The following VAV2 variants were observed in gnomAD, a reference collection of about 807,000 sequenced individuals.
VAV2 encodes the protein vav guanine nucleotide exchange factor 2, also known as guanine nucleotide exchange factor VAV2.
In VAV2, 67 loss-of-function variants were observed where a neutral mutation model predicts 132.5. That is an observed-to-expected ratio of 0.51 (90% CI 0.42 to 0.62). The LOEUF (loss-of-function observed/expected upper bound fraction) is 0.62, where lower values mean the gene tolerates loss of function less well. Ranked by LOEUF, VAV2 falls within the 20% of genes least tolerant of loss-of-function variation. The pLI is 0.00. For missense variants in VAV2, 938 were observed against 1,153.6 expected (o/e 0.81, Z 2.71); for synonymous variants, 492 against 443.5 (o/e 1.11, Z -1.37).
At chr9:133,951,129 G>A (rs140558636) in intron 1 of VAV2, among the ~76,000 whole-genome samples, 84 of 152,330 alleles carry the variant, frequency 5.5e-4, no homozygotes, top group African/African-American at 1.9e-3. Flanking sequence ...CCAAGCAGGG[G>A]GGTAAAACTG....
At chr9:133,767,529 C>T (rs1302530154) in intron 29 of VAV2, among the ~76,000 whole-genome samples, 2 of 152,140 alleles carry the variant, frequency 1.3e-5, no homozygotes, top group African/African-American at 4.8e-5. Flanking sequence ...ACTTTTAATG[C>T]CAATCACACA....
chr9:133,814,349 T>G lies in VAV2; in HGVS notation c.450-2133A>C, dbSNP rs140019803. Among the ~76,000 whole-genome samples, 1,186 of 152,330 alleles carry G rather than the reference T, an allele frequency of 7.8e-3. 26 individuals are homozygous for G. Among genetic ancestry groups the G allele is most frequent in the Admixed American group, 0.044 (671 of 15,310 alleles). ...GCTACCAGGGATGCAGGCAAGTGAC[T>G]GCAGGGGTTGTTCTCAGCGGCTGCC... On this transcript the variant is annotated intron_variant, in intron 4 of 29. Transcript: ENST00000371850.
chr9:133,776,163 GC>G, intron 23 of VAV2, 83 bp from the exon 24 acceptor site: 1 of 1,554,096 alleles, frequency 6.4e-7, no homozygotes, highest in Non-Finnish European at 8.7e-7. Flanking sequence ...GTCAGTGACT[GC>G]CCTGTCCCCA....
Position 133,788,227 on chromosome 9 carries a change from C to G in VAV2, c.1407+127G>C, listed in dbSNP as rs1049624781. The G allele has an allele frequency of 5.6e-6, 4 of 716,336 alleles. No homozygotes were observed. The highest frequency in any genetic ancestry group is 1.6e-5 in the South Asian group (1 of 60,688). 44.4% of individuals were successfully genotyped at this position (716,336 alleles called of 1,614,324 possible). A position where few individuals can be genotyped will look rare whatever the true frequency, so the allele number is the denominator to read the frequency against. On this transcript the variant is annotated intron_variant, in intron 15 of 29. Transcript: ENST00000371850. The surrounding 1 kb of genome is among the most constrained non-coding windows in gnomAD (Gnocchi z 5.3). ...CCTTCCTGCAGAGCGGAGACGCCCA[C>G]CCCAACCCACCCGGCCAGCATCAGC...
rs77025040 is a variant in VAV2 at position 133,802,355 on chromosome 9, C to T, written c.836+3726G>A. On this transcript the variant is annotated intron_variant, in intron 9 of 29. Transcript: ENST00000371850. The surrounding 1 kb of genome is among the most constrained non-coding windows in gnomAD (Gnocchi z 5.8). ...ACACACACACACACACACACACACA[C>T]GACTTCATGCATTCCTGGTCTGGTT... 5.3e-5 allele frequency among the ~76,000 whole-genome samples: 8 copies of T among 150,300 alleles called. No individual in the cohort carries two copies. The highest frequency in any genetic ancestry group is 2.0e-4 in the African/African-American group (8 of 40,428).
At position 133,932,694 on chromosome 9, in the gene VAV2, G is replaced by A. The variant is rs558308729; in HGVS notation, c.321+6409C>T. ...ACCAAGTATCTACAGAGTCCAACTCGCGTCCAGGTCTGACGGAAGCTTTGC... is the reference window on the plus strand; with the variant it reads ...ACCAAGTATCTACAGAGTCCAACTCACGTCCAGGTCTGACGGAAGCTTTGC... On this transcript the variant is annotated intron_variant, in intron 2 of 29. Coordinates refer to ENST00000371850, the MANE Select transcript of VAV2 (RefSeq NM_001134398.2). Among the ~76,000 whole-genome samples the A allele has an allele frequency of 1.0e-4, 15 of 149,546 alleles. 1 individual carries two copies. The highest frequency in any genetic ancestry group is 8.8e-4 in the South Asian group (4 of 4,556).
At chr9:133,900,769 T>TGA (rs1220562578) in intron 2 of VAV2, among the ~76,000 whole-genome samples, 35 of 20,154 alleles carry the variant, frequency 1.7e-3, no homozygotes, top group African/African-American at 2.9e-3. Context: ...CTGTCTTGAT[T>TGA]TATTTATTTA....
Position 133,769,560 on chromosome 9 carries a change from C to G in VAV2, c.2348-57G>C. 1.3e-6 allele frequency: 2 copies of G among 1,541,084 alleles called. No homozygotes were observed. The highest frequency in any genetic ancestry group is 1.2e-5 in the South Asian group (1 of 84,094). ...GCAGCAGGGCATCCACGCACAGTCA[C>G]GGTGGGCACAGCTACAGGCCGGGGG... On this transcript the variant is annotated intron_variant, in intron 27 of 29. Coordinates refer to ENST00000371850, the MANE Select transcript of VAV2 (RefSeq NM_001134398.2). The surrounding 1 kb of genome is among the most constrained non-coding windows in gnomAD (Gnocchi z 8.1).
In VAV2 at chr9:133,806,094, C is replaced by T. The variant is rs768260214; in HGVS notation, c.823G>A (p.Asp275Asn). 79 of 1,612,670 alleles carry T rather than the reference C, an allele frequency of 4.9e-5. No homozygotes were observed. The highest frequency in any genetic ancestry group is 4.0e-4 in the East Asian group (18 of 44,884). The change falls in exon 9 of 30, where the codon GAT (aspartate) becomes AAT (asparagine). Residue 275 changes from aspartate to asparagine, a missense_variant. Asp to Asn is a conservative substitution (Grantham distance 23). Transcript: ENST00000371850. ...GGSTLAKVFL[D>N]FKERLLIYGE... ...GCAGCCACTCACCTTTCCTTGAAAT[C>T]GAGGAAGACCTTGGCCAGCGTGCTG...
At chr9:133,937,594 C>T (rs942429792) in intron 2 of VAV2, among the ~76,000 whole-genome samples, 3 of 151,944 alleles carry the variant, frequency 2.0e-5, no homozygotes, top group African/African-American at 7.3e-5. Flanking sequence ...GAACCATCAG[C>T]CTCTCCATTA....
At chr9:133,977,186 C>A (rs1017438847) in intron 1 of VAV2, among the ~76,000 whole-genome samples, 1 of 152,194 alleles carries the variant, frequency 6.6e-6, no homozygotes, top group Non-Finnish European at 1.5e-5. Context: ...AGAGTGAGGC[C>A]CCCCCAGCAT....
chr9:133,811,789 C>T (rs182625483), intron 5 of VAV2, among the ~76,000 whole-genome samples: 1 of 152,364 alleles, frequency 6.6e-6, no homozygotes, highest in East Asian at 1.9e-4. Flanking sequence ...GGCCTGCAAG[C>T]CCTTGGAAGG....
At chr9:133,862,512 T>C (rs1194459451) in intron 2 of VAV2, among the ~76,000 whole-genome samples, 1 of 152,220 alleles carries the variant, frequency 6.6e-6, no homozygotes, top group Non-Finnish European at 1.5e-5. Context: ...TGTGTGGTCG[T>C]GTGTGCATGT....
At chr9:133,843,851 T>C (rs1474478278) in intron 3 of VAV2, among the ~76,000 whole-genome samples, 1 of 151,000 alleles carries the variant, frequency 6.6e-6, no homozygotes, top group Admixed American at 6.6e-5. Context: ...AGTAGGAGGG[T>C]CTCTGTCCCA....
In VAV2 at chr9:133,794,146, A is replaced by C. The variant is rs1161486689; in HGVS notation, c.1101+1522T>G. ...CACTCAGGGCCCGGGTGCACGGCCC[A>C]CTGCACCTGCTGTCACTGTCTCAGA... On this transcript the variant is annotated intron_variant, in intron 12 of 29. Coordinates refer to ENST00000371850, the MANE Select transcript of VAV2 (RefSeq NM_001134398.2). The surrounding 1 kb of genome is among the most constrained non-coding windows in gnomAD (Gnocchi z 4.6). Among the ~76,000 whole-genome samples the C allele has an allele frequency of 2.6e-5, 4 of 152,024 alleles. No individual in the cohort carries two copies. Among genetic ancestry groups the C allele is most frequent in the African/African-American group, 4.8e-5 (2 of 41,394 alleles).
intron 5 of VAV2, among the ~76,000 whole-genome samples, 153 bp downstream of exon 5, chr9:133,811,961 C>G (rs1835373054): frequency 6.6e-6 from 1 of 152,176 alleles, no homozygotes; most frequent in African/African-American, 2.4e-5. Flanking sequence ...TGGGAAGGAC[C>G]AAGGGGTGCA....
At chr9:133,934,820 G>C (rs550599878) in intron 2 of VAV2, among the ~76,000 whole-genome samples, 2 of 152,128 alleles carry the variant, frequency 1.3e-5, no homozygotes, top group East Asian at 3.9e-4. Flanking sequence ...GCTCCTAATC[G>C]GCCCCTCTTG....
intron 2 of VAV2, among the ~76,000 whole-genome samples, chr9:133,931,896 G>A (rs1009394591): frequency 3.9e-5 from 6 of 152,186 alleles, no homozygotes; most frequent in Admixed American, 1.3e-4. Flanking sequence ...CCATGTTACC[G>A]TGCACCAGTT....
At chr9:133,832,859 G>T (rs976436744) in intron 4 of VAV2, among the ~76,000 whole-genome samples, 17 of 150,392 alleles carry the variant, frequency 1.1e-4, no homozygotes, top group Admixed American at 3.3e-4. Flanking sequence ...GTTTTTTTTT[G>T]AATTTTTGAA....
Sources: allele counts gnomAD v4.1 joint callset (sites outside exome capture counted in the v4.1 genomes callset), GRCh38; gene constraint gnomAD v4.1.1; non-coding constraint Gnocchi (gnomAD v3.1); transcripts MANE v1.5; gene names NCBI Gene and HGNC (gene_info 2026-07-23, HGNC 2026-07-21).